The following METTL6 variants were observed in gnomAD, a reference collection of about 807,000 sequenced individuals.
METTL6 encodes tRNA N(3)-cytidine methyltransferase METTL6.
METTL6 carries 22 observed loss-of-function variants against 26.4 expected under a neutral mutation model. The ratio of observed to expected loss-of-function variants is 0.83; its 90% CI spans 0.59 to 1.19. The LOEUF (loss-of-function observed/expected upper bound fraction) is 1.19, where lower values mean the gene tolerates loss of function less well. Among genes scored for constraint, METTL6 ranks in the 50% most tolerant of loss-of-function variants. The pLI is 0.00. For missense variants in METTL6, 304 were observed against 324.8 expected (o/e 0.94, Z 0.49); for synonymous variants, 109 against 116.2 (o/e 0.94, Z 0.40).
At chr3:15,397,345 A>C (rs1039293321) in intron 6 of METTL6, among the ~76,000 whole-genome samples, 2 of 152,174 alleles carry the variant, frequency 1.3e-5, no homozygotes, top group African/African-American at 4.8e-5. Context: ...GCGCAGTAGT[A>C]GGGTGGGAGT....
intron 6 of METTL6, among the ~76,000 whole-genome samples, chr3:15,392,856 A>T (rs1699387068): frequency 6.6e-6 from 1 of 152,066 alleles, no homozygotes; most frequent in Non-Finnish European, 1.5e-5. Context: ...ATTGGTCTAT[A>T]TCTCTGTTTT....
intron 6 of METTL6, among the ~76,000 whole-genome samples, chr3:15,389,949 C>G (rs1289874271): frequency 6.7e-6 from 1 of 150,158 alleles, no homozygotes; most frequent in Non-Finnish European, 1.5e-5. Context: ...AACTCTTGGG[C>G]TCAAGGGATC....
intron 6 of METTL6, among the ~76,000 whole-genome samples, chr3:15,391,033 G>A (rs370649025): frequency 4.6e-5 from 7 of 152,214 alleles, no homozygotes; most frequent in African/African-American, 9.6e-5. Flanking sequence ...CCCTGAAGCC[G>A]AGCAGTCTGA....
chr3:15,418,732 G>A (rs1222199032), intron 3 of METTL6, among the ~76,000 whole-genome samples: 2 of 152,084 alleles, frequency 1.3e-5, no homozygotes, highest in African/African-American at 4.8e-5. Flanking sequence ...AGGTGATTAT[G>A]TCTAAATCCT....
intron 3 of METTL6, among the ~76,000 whole-genome samples, chr3:15,422,278 A>G (rs1044901906): frequency 2.0e-5 from 3 of 152,156 alleles, no homozygotes; most frequent in African/African-American, 7.2e-5. Flanking sequence ...GTGAGTCATG[A>G]CTGTGCAACT....
chr3:15,411,308 T>C lies in METTL6; in HGVS notation c.803A>G (p.Lys268Arg). The change falls in exon 6 of 6, where the codon AAG becomes AGG. Residue 268 changes from lysine (K) to arginine (R), a missense_variant. Transcript: ENST00000383790. The stretch of plus-strand genomic sequence containing the variant: ...CACAGGAGATGGGTTCTTAGGAGGC[T>C]TTAGAAATTTGCTCTGAAGGAAAAC... Reference protein sequence around the residue: ...PRVFLQSKFLKPPKNPSPVVL... With the variant: ...PRVFLQSKFLRPPKNPSPVVL... 6.2e-7 allele frequency: 1 copy of C among 1,614,222 alleles called. No individual in the cohort carries two copies. Among genetic ancestry groups the C allele is most frequent in the Admixed American group, 1.7e-5 (1 of 60,022 alleles).
chr3:15,395,946 C>T (rs1241550374), intron 6 of METTL6, among the ~76,000 whole-genome samples: 1 of 152,106 alleles, frequency 6.6e-6, no homozygotes, highest in Admixed American at 6.6e-5. Context: ...TTCATTTCAA[C>T]TTTGGTGAAT....
intron 6 of METTL6, among the ~76,000 whole-genome samples, chr3:15,397,339 A>G (rs1307852954): frequency 6.6e-6 from 1 of 152,142 alleles, no homozygotes; most frequent in Non-Finnish European, 1.5e-5. Context: ...GGAAAAGCGC[A>G]GTAGTAGGGT....
chr3:15,400,950 C>A (rs1417198833), intron 6 of METTL6, among the ~76,000 whole-genome samples: 1 of 152,134 alleles, frequency 6.6e-6, no homozygotes. Context: ...CAGCCTCAAC[C>A]TACCCAGGCT....
intron 6 of METTL6, among the ~76,000 whole-genome samples, chr3:15,404,699 T>C (rs772248705): frequency 2.6e-5 from 4 of 152,086 alleles, no homozygotes; most frequent in Non-Finnish European, 4.4e-5. Flanking sequence ...GGTCCTGCTA[T>C]GTTGCTCAGG....
exon 7 of METTL6, chr3:15,384,136 C>A: frequency 2.5e-6 from 1 of 405,252 alleles, no homozygotes; most frequent in South Asian, 1.7e-5. Flanking sequence ...AATACAAAAG[C>A]ACAGCCAGAT....
At position 15,410,332 on chromosome 3, in the gene METTL6, G is replaced by C. The variant is rs945027867; in HGVS notation, c.*924C>G. The stretch of plus-strand genomic sequence containing the variant: ...GAATGTGATCTTTCAAATTTTTTTT[G>C]TTTTTTTTGAGACAGACTTTTGCTC... On this transcript the variant is annotated 3_prime_UTR_variant, in exon 6 of 6. Transcript: ENST00000383790. 6.6e-6 allele frequency among the ~76,000 whole-genome samples: 1 copy of C among 151,200 alleles called. No individual in the cohort carries two copies. Among genetic ancestry groups the C allele is most frequent in the African/African-American group, 2.4e-5 (1 of 41,152 alleles).
At chr3:15,399,880 G>A (rs536967744) in intron 6 of METTL6, among the ~76,000 whole-genome samples, 108 of 152,124 alleles carry the variant, frequency 7.1e-4, no homozygotes, top group African/African-American at 2.5e-3. Context: ...CATATTTTGA[G>A]ATGGCTATTC....
chr3:15,405,475 A>T (rs771164552), downstream of METTL6, among the ~76,000 whole-genome samples: 2 of 152,256 alleles, frequency 1.3e-5, no homozygotes, highest in Non-Finnish European at 2.9e-5. Context: ...TATATAACTA[A>T]GATGGGATTG....
At chr3:15,425,141 A>G in intron 2 of METTL6, 52 bp from the exon 3 acceptor site, 1 of 1,596,878 alleles carries the variant, frequency 6.3e-7, no homozygotes, top group Non-Finnish European at 8.5e-7. Context: ...ATAATGAAGA[A>G]ATAAACCAAA....
At chr3:15,404,288 T>C (rs1331586475) in intron 6 of METTL6, among the ~76,000 whole-genome samples, 2 of 152,064 alleles carry the variant, frequency 1.3e-5, no homozygotes, top group African/African-American at 4.8e-5. Context: ...CACAATTTAA[T>C]GAAATACCAC....
rs1559488918 is a variant in METTL6, at chr3:15,411,388, GT to G, written c.722del (p.Asn241ThrfsTer9). ...TCACCGTCTCTCGAAACACATACTC[GT>G]TTACCACTTCTTCATAACCTGTGTC... Reference protein sequence around the residue: ...FMDTGYEEVVNEYVFRETVNK... With the variant: ...FMDTGYEEVVXEYVFRETVNK... On this transcript the variant is annotated frameshift_variant, in exon 6 of 6. Transcript: ENST00000383790. LOFTEE classifies it high-confidence loss of function. 1 of 1,614,076 alleles carries G rather than the reference GT, an allele frequency of 6.2e-7. No homozygotes were observed. The highest frequency in any genetic ancestry group is 1.3e-5 in the African/African-American group (1 of 74,994).
chr3:15,390,299 G>A (rs1009844250), intron 6 of METTL6, among the ~76,000 whole-genome samples: 4 of 151,970 alleles, frequency 2.6e-5, no homozygotes, highest in African/African-American at 9.7e-5. Flanking sequence ...GTGTTGGTAC[G>A]CACCTGTAGT....
intron 2 of METTL6, among the ~76,000 whole-genome samples, chr3:15,425,452 A>C (rs2061696757): frequency 6.6e-6 from 1 of 152,258 alleles, no homozygotes; most frequent in South Asian, 2.1e-4. Flanking sequence ...AGCCGGTATA[A>C]GGGTCAAATG....
Sources: gnomAD v4.1 joint callset for allele counts (sites outside exome capture counted in the v4.1 genomes callset) on GRCh38, gnomAD v4.1.1 for gene constraint, MANE v1.5 for transcripts, NCBI Gene and HGNC (gene_info 2026-07-23, HGNC 2026-07-21) for gene names.